GRIPAP1: variants seen among roughly 807,000 people sequenced by gnomAD.
GRIPAP1 encodes the protein GRIP1-associated protein 1.
GRIPAP1 carries 14 observed loss-of-function variants against 84.1 expected under a neutral mutation model. That is an observed-to-expected ratio of 0.17 (90% CI 0.11 to 0.26). The LOEUF is 0.26. GRIPAP1 is among the 10% of genes least tolerant of loss of function. GRIPAP1 has a pLI of 1.00. For missense variants in GRIPAP1, 518 were observed against 674.2 expected (o/e 0.77, Z 2.57); for synonymous variants, 261 against 256.8 (o/e 1.02, Z -0.15).
rs1326831256 is a variant in GRIPAP1, at chrX:48,982,019, A to C, written c.1600-147T>G. Reference sequence around the variant, plus strand: ...CACACGCCCTTAGGCAATATGCTGAAGTGTCACATCTAAAGTTGCACCATT... The same window carrying C: ...CACACGCCCTTAGGCAATATGCTGACGTGTCACATCTAAAGTTGCACCATT... On this transcript the variant is annotated intron_variant, in intron 17 of 25. Transcript: ENST00000376423. 1.1e-5 allele frequency: 5 copies of C among 444,114 alleles called. No homozygotes were observed. In the East Asian group the frequency reaches 1.8e-4, roughly 16 times the overall value. 36.6% of individuals were successfully genotyped at this position (444,114 alleles called of 1,213,427 possible).
chrX:48,990,148 C>T (rs1437643698), intron 8 of GRIPAP1, 145 bp from the exon 9 acceptor site: 2 of 485,731 alleles, frequency 4.1e-6, no homozygotes, highest in African/African-American at 2.4e-5. Flanking sequence ...CAAAATAGCC[C>T]TGACAAGTGA....
At chrX:48,995,458 C>T (rs782615158) in intron 5 of GRIPAP1, among the ~76,000 whole-genome samples, 1 of 111,634 alleles carries the variant, frequency 9.0e-6, no homozygotes. Context: ...GTCATAAGAT[C>T]TGCAGGTCAG....
rs1256716925 is a variant in GRIPAP1, at chrX:48,990,722, T to C, written c.653A>G (p.Gln218Arg). The change falls in exon 8 of 26, where the codon CAG (glutamine) becomes CGG (arginine). Residue 218 changes from glutamine to arginine, a missense_variant. Gln to Arg is a conservative substitution (Grantham distance 43, BLOSUM62 1). Coordinates refer to ENST00000376423, the MANE Select transcript of GRIPAP1 (RefSeq NM_020137.5). ...EQLQGLESSKQAETSRLQEEL... is the reference protein window; with the variant it reads ...EQLQGLESSKRAETSRLQEEL... ...CTCCTGCAGCCTGGATGTTTCGGCC[T>C]GCTTTGAGCTCTGCAGGGAAGGATG... 2 of 1,201,661 alleles carry C rather than the reference T, an allele frequency of 1.7e-6. No individual in the cohort carries two copies. The highest frequency in any genetic ancestry group is 2.2e-6 in the Non-Finnish European group (2 of 889,946).
At chrX:48,979,577 T>C (rs1301916493) in intron 21 of GRIPAP1, among the ~76,000 whole-genome samples, 5 of 107,459 alleles carry the variant, frequency 4.7e-5, no homozygotes, top group Admixed American at 3.0e-4. Flanking sequence ...ATGTATTGAA[T>C]GTATGGTATA....
intron 6 of GRIPAP1, among the ~76,000 whole-genome samples, chrX:48,992,244 G>A (rs1477224577): frequency 8.9e-6 from 1 of 112,457 alleles, no homozygotes; most frequent in East Asian, 2.8e-4. Context: ...GACCTCAGGC[G>A]ATCTGCCCAC....
At chrX:48,999,386 C>T (rs2064564258) in intron 2 of GRIPAP1, 52 bp downstream of exon 2, 4 of 1,128,875 alleles carry the variant, frequency 3.5e-6, no homozygotes, top group African/African-American at 1.8e-5. Context: ...GGGAAAACCT[C>T]GGACACCATT....
At chrX:48,998,672 C>T (rs1360064027) in intron 3 of GRIPAP1, among the ~76,000 whole-genome samples, 6 of 112,332 alleles carry the variant, frequency 5.3e-5, no homozygotes, top group Admixed American at 2.8e-4. Flanking sequence ...TCCTGACTGT[C>T]GGATTTTCTG....
In GRIPAP1 at chrX:48,983,345, T is replaced by C; in HGVS notation, c.1368A>G (p.Leu456=). The change falls in exon 16 of 26, where the codon CTA becomes CTG. Residue 456 remains leucine (L), a synonymous_variant. Coordinates refer to ENST00000376423, the MANE Select transcript of GRIPAP1 (RefSeq NM_020137.5). ...CCCCCAGCACCTCCTTCTCATGCCG[T>C]AGACGAACTGCTCCCAGCTCTTCCT... ...QHKEELGAVR[L]RHEKEVLGVR... is the part of the protein sequence containing the mutation. 1.7e-6 allele frequency: 2 copies of C among 1,211,397 alleles called. No individual in the cohort carries two copies. The highest frequency in any genetic ancestry group is 3.5e-5 in the South Asian group (2 of 57,025).
rs782674252 is a variant in GRIPAP1, at chrX:48,990,681, G to A, written c.690+4C>T. The stretch of plus-strand genomic sequence containing the variant: ...CAGAATGGGAAAGAGCCAAGCAGCC[G>A]CACCTTAGCAAGTTCCTCCTGCAGC... On this transcript the variant is annotated splice_donor_region_variant and intron_variant, in intron 8 of 25. Coordinates refer to ENST00000376423, the MANE Select transcript of GRIPAP1 (RefSeq NM_020137.5). 46 of 1,194,465 alleles carry A rather than the reference G, an allele frequency of 3.9e-5. No homozygotes were observed. Among genetic ancestry groups the A allele is most frequent in the Admixed American group, 4.5e-5 (2 of 44,863 alleles).
Position 48,983,240 on chromosome X carries a change from G to T in GRIPAP1, c.1473C>A (p.Ile491=). The part of the protein sequence containing the change: ...KRQEEELRGQ[I]REEKARTREL... ...TCTACCCACCCACCTTCTCCTCCCGGATCTGCCCACGGAGCTCCTCCTCCT... is the reference window on the plus strand; with the variant it reads ...TCTACCCACCCACCTTCTCCTCCCGTATCTGCCCACGGAGCTCCTCCTCCT... The change falls in exon 16 of 26, where the codon ATC becomes ATA. Residue 491 remains isoleucine, a synonymous_variant. Coordinates refer to ENST00000376423, the MANE Select transcript of GRIPAP1 (RefSeq NM_020137.5). The T allele has an allele frequency of 8.3e-7, 1 of 1,210,010 alleles. No homozygotes were observed. Among genetic ancestry groups the T allele is most frequent in the Non-Finnish European group, 1.1e-6 (1 of 893,573 alleles).
intron 6 of GRIPAP1, among the ~76,000 whole-genome samples, chrX:48,991,666 C>T (rs1557065581): frequency 8.9e-6 from 1 of 112,148 alleles, no homozygotes; most frequent in African/African-American, 3.2e-5. Flanking sequence ...GGTGAAACCC[C>T]GTCTCTACTA....
intron 6 of GRIPAP1, 116 bp from the exon 7 acceptor site, chrX:48,991,226 A>G (rs1557065460): frequency 1.9e-6 from 1 of 524,119 alleles, no homozygotes; most frequent in Non-Finnish European, 3.4e-6. Context: ...TCCCTGTGCC[A>G]AATGACCACA....
chrX:48,979,505 A>AACAG (rs2064443413), intron 21 of GRIPAP1, among the ~76,000 whole-genome samples: 1 of 1,376 alleles, frequency 7.3e-4, no homozygotes, highest in Non-Finnish European at 1.4e-3. Context: ...AAAAAAAAGA[A>AACAG]ATGCAAGCAG....
intron 13 of GRIPAP1, among the ~76,000 whole-genome samples, chrX:48,985,710 G>T (rs1457531131): frequency 9.0e-6 from 1 of 111,554 alleles, no homozygotes; most frequent in East Asian, 2.8e-4. Flanking sequence ...AAGAACAAGC[G>T]AAATGAATCT....
rs1301666504 is a variant in GRIPAP1, at chrX:48,973,742, C to T, written c.*451G>A. ...CAGTCAGTGGGTGGGCCCGTCTGGC[C>T]AGATGGTATTTTGGCTGCATAGCCT... On this transcript the variant is annotated 3_prime_UTR_variant, in exon 26 of 26. Transcript: ENST00000376423. The T allele has an allele frequency of 8.9e-6, 1 of 111,992 alleles. No homozygotes were observed. The highest frequency in any genetic ancestry group is 1.9e-5 in the Non-Finnish European group (1 of 53,668). 9.2% of individuals were successfully genotyped at this position (111,992 alleles called of 1,213,427 possible).
chrX:48,992,711 C>G (rs2064526557), intron 6 of GRIPAP1, among the ~76,000 whole-genome samples: 1 of 111,932 alleles, frequency 8.9e-6, no homozygotes, highest in South Asian at 3.7e-4. Flanking sequence ...TTCCACACAC[C>G]ACATGCTCCC....
Position 48,983,285 on chromosome X carries a change from C to A in GRIPAP1, c.1428G>T (p.Leu476=). 4 of 1,212,506 alleles carry A rather than the reference C, an allele frequency of 3.3e-6. No individual in the cohort carries two copies. Among genetic ancestry groups the A allele is most frequent in the Non-Finnish European group, 4.5e-6 (4 of 895,547 alleles). The change falls in exon 16 of 26, where the codon CTG becomes CTT. Residue 476 remains leucine (L), a synonymous_variant. Coordinates refer to ENST00000376423, the MANE Select transcript of GRIPAP1 (RefSeq NM_020137.5). ...CCTCCTGACGCTTCTTGTCTTCATGCAGCTCTCGGAGCTCACGCTCATAGC... is the reference window on the plus strand; with the variant it reads ...CCTCCTGACGCTTCTTGTCTTCATGAAGCTCTCGGAGCTCACGCTCATAGC... ...RARYERELRE[L]HEDKKRQEEE... is the part of the protein sequence containing the mutation.
rs781908313 is a variant in GRIPAP1 at position 48,993,525 on chromosome X, C to A, written c.360G>T (p.Gly120=). The change falls in exon 6 of 26, where the codon GGG becomes GGT. Residue 120 remains glycine (G), a synonymous_variant. Transcript: ENST00000376423. ...CTTGGGCAACCCCTGCTCCTGCAGCCCCCTCCTTCAGTTGCTGGTTCTCTT... is the reference window on the plus strand; with the variant it reads ...CTTGGGCAACCCCTGCTCCTGCAGCACCCTCCTTCAGTTGCTGGTTCTCTT... ...LEQENQQLKE[G]AAGAGVAQAG... is the part of the protein sequence containing the mutation. 3 of 1,187,910 alleles carry A rather than the reference C, an allele frequency of 2.5e-6. No homozygotes were observed. The Admixed American group carries it at 6.9e-5, about 27-fold the overall frequency.
In GRIPAP1 at chrX:48,978,311, T is replaced by A. The variant is rs1557061003; in HGVS notation, c.2055A>T (p.Pro685=). ...GTTCTTCCTTTCCCCTTACCCTGGC[T>A]GGAACAGCCGAGCTCTCCTTTTCCC... ...ILREKESSAV[P]ARSLSSSPQA... The change falls in exon 22 of 26, where the codon CCA becomes CCT. Residue 685 remains proline, a synonymous_variant. Transcript: ENST00000376423. 8.3e-7 allele frequency: 1 copy of A among 1,207,997 alleles called. No individual in the cohort carries two copies. Among genetic ancestry groups the A allele is most frequent in the Non-Finnish European group, 1.1e-6 (1 of 893,934 alleles).
Sources: gnomAD v4.1 joint callset for allele counts (sites outside exome capture counted in the v4.1 genomes callset) on GRCh38, gnomAD v4.1.1 for gene constraint, MANE v1.5 for transcripts, NCBI Gene and HGNC (gene_info 2026-07-23, HGNC 2026-07-21) for gene names.